Variants in LIN52 observed in about 807,000 individuals in gnomAD.
LIN52 encodes the protein protein lin-52 homolog.
In LIN52, 4 loss-of-function variants were observed where a neutral mutation model predicts 18.5. The observed-to-expected ratio is 0.22, with a 90% CI of 0.11 to 0.49. The LOEUF (loss-of-function observed/expected upper bound fraction) is 0.49. Ranked by LOEUF, LIN52 falls within the 20% of genes least tolerant of loss-of-function variation. LIN52 has a pLI of 0.97. For missense variants in LIN52, 102 were observed against 139.5 expected, an observed-to-expected ratio of 0.73 and a Z score of 1.35; for synonymous variants, 34 against 45.5, an observed-to-expected ratio of 0.75 and a Z score of 1.02.
intron 2 of LIN52, among the ~76,000 whole-genome samples, chr14:74,094,799 C>T (rs2060796542): frequency 6.6e-6 from 1 of 151,720 alleles, no homozygotes; most frequent in Admixed American, 6.6e-5. Flanking sequence ...GTGATCTCAG[C>T]TCACTGCAAC....
At chr14:74,130,588 ATTTTTTTTTT>A (rs34746271) in intron 5 of LIN52, among the ~76,000 whole-genome samples, 2 of 72,960 alleles carry the variant, frequency 2.7e-5, no homozygotes, top group Non-Finnish European at 4.9e-5. Context: ...TAAATTGGCC[ATTTTTTTTTT>A]TTTTTTTTTT....
intron 5 of LIN52, among the ~76,000 whole-genome samples, chr14:74,124,793 A>G (rs1369479480): frequency 1.4e-5 from 2 of 145,426 alleles, no homozygotes; most frequent in African/African-American, 2.6e-5. Context: ...CCTGGGTGAC[A>G]GAGCAAGACC....
At chr14:74,105,846 A>G (rs906998443) in intron 5 of LIN52, among the ~76,000 whole-genome samples, 4 of 152,212 alleles carry the variant, frequency 2.6e-5, no homozygotes, top group Non-Finnish European at 4.4e-5. Context: ...GTCACTTCCC[A>G]AGAGCATTGT....
intron 5 of LIN52, among the ~76,000 whole-genome samples, chr14:74,166,852 G>A (rs1418275222): frequency 6.6e-6 from 1 of 152,236 alleles, no homozygotes; most frequent in African/African-American, 2.4e-5. Flanking sequence ...GTAATTGGTA[G>A]GTTTTGGTGG....
intron 5 of LIN52, among the ~76,000 whole-genome samples, chr14:74,166,802 C>T (rs971826237): frequency 6.6e-6 from 1 of 152,072 alleles, no homozygotes; most frequent in African/African-American, 2.4e-5. Flanking sequence ...AAATTCTATG[C>T]CAATTTTCAT....
At chr14:74,112,357 G>A (rs1203461488) in intron 5 of LIN52, among the ~76,000 whole-genome samples, 1 of 151,566 alleles carries the variant, frequency 6.6e-6, no homozygotes, top group Non-Finnish European at 1.5e-5. Context: ...GCCCAGGCTG[G>A]AGTGTAGCAG....
At chr14:74,164,614 G>A (rs998967668) in intron 5 of LIN52, among the ~76,000 whole-genome samples, 3 of 152,062 alleles carry the variant, frequency 2.0e-5, no homozygotes, top group African/African-American at 7.2e-5. Flanking sequence ...AATTATGCAC[G>A]CATTATATGC....
chr14:74,139,950 A>C (rs966378867), intron 5 of LIN52, among the ~76,000 whole-genome samples: 2 of 152,198 alleles, frequency 1.3e-5, no homozygotes, highest in Non-Finnish European at 2.9e-5. Context: ...CTATGGTTTA[A>C]TGTAATAAAA....
At chr14:74,140,689 C>G (rs2061125391) in intron 5 of LIN52, among the ~76,000 whole-genome samples, 1 of 152,162 alleles carries the variant, frequency 6.6e-6, no homozygotes, top group African/African-American at 2.4e-5. Context: ...CACGTGGCTG[C>G]CCCAGCTGTT....
intron 5 of LIN52, among the ~76,000 whole-genome samples, chr14:74,127,952 C>A (rs1229193941): frequency 6.6e-6 from 1 of 152,116 alleles, no homozygotes; most frequent in East Asian, 1.9e-4. Flanking sequence ...CTAGATTTCT[C>A]TTGAGCATGT....
chr14:74,163,487 A>T (rs536585274), intron 5 of LIN52, among the ~76,000 whole-genome samples: 1 of 152,282 alleles, frequency 6.6e-6, no homozygotes, highest in South Asian at 2.1e-4. Context: ...CCAAGGTAGG[A>T]GTGGGGGGGA....
chr14:74,197,039 C>G (rs1017950426), intron 5 of LIN52, among the ~76,000 whole-genome samples: 1 of 152,172 alleles, frequency 6.6e-6, no homozygotes, highest in Non-Finnish European at 1.5e-5. Flanking sequence ...ACCCCAGTCT[C>G]TCCATGAACT....
chr14:74,107,895 A>G (rs565134013), intron 5 of LIN52, among the ~76,000 whole-genome samples: 1 of 152,112 alleles, frequency 6.6e-6, no homozygotes, highest in Non-Finnish European at 1.5e-5. Context: ...CACATAGTCT[A>G]TAATTCCCCA....
intron 5 of LIN52, among the ~76,000 whole-genome samples, chr14:74,145,789 C>T (rs1473679691): frequency 6.6e-6 from 1 of 152,162 alleles, no homozygotes; most frequent in Non-Finnish European, 1.5e-5. Flanking sequence ...TTGTTTGTTT[C>T]TCGGCCCTTC....
chr14:74,103,101 CAG>C (rs1364778937), intron 5 of LIN52, among the ~76,000 whole-genome samples: 1 of 152,178 alleles, frequency 6.6e-6, no homozygotes, highest in Admixed American at 6.5e-5. Flanking sequence ...TGTTTTGAGA[CAG>C]AGTCTTACTC....
chr14:74,104,577 C>T (rs1038835339), intron 5 of LIN52, among the ~76,000 whole-genome samples: 1 of 148,724 alleles, frequency 6.7e-6, no homozygotes. Context: ...GAAGCTTGCA[C>T]AGATACAGGC....
intron 5 of LIN52, among the ~76,000 whole-genome samples, chr14:74,147,837 T>C (rs927599188): frequency 1.3e-5 from 2 of 152,298 alleles, no homozygotes; most frequent in African/African-American, 2.4e-5. Flanking sequence ...TATTGTTTAA[T>C]GGTTACAGAG....
At chr14:74,154,338 T>C (rs893608984) in intron 5 of LIN52, among the ~76,000 whole-genome samples, 7 of 152,238 alleles carry the variant, frequency 4.6e-5, no homozygotes, top group African/African-American at 1.4e-4. Context: ...TTTCACTACA[T>C]AAACCAGGCT....
At chr14:74,119,306 CG>C (rs1347436654) in intron 5 of LIN52, among the ~76,000 whole-genome samples, 3 of 147,722 alleles carry the variant, frequency 2.0e-5, no homozygotes, top group Non-Finnish European at 4.5e-5. Context: ...GGACTACAGG[CG>C]CCCCCCCACC....
Sources: gnomAD v4.1 joint callset for allele counts (sites outside exome capture counted in the v4.1 genomes callset) on GRCh38, gnomAD v4.1.1 for gene constraint, MANE v1.5 for transcripts, NCBI Gene and HGNC (gene_info 2026-07-23, HGNC 2026-07-21) for gene names.